The following FOCAD variants were observed in gnomAD, a reference collection of about 807,000 sequenced individuals.
FOCAD encodes focadhesin, also known as KIAA1797.
FOCAD carries 198 observed loss-of-function variants against 225.6 expected under a neutral mutation model. The observed-to-expected ratio is 0.88, with a 90% CI of 0.78 to 0.99. The LOEUF (loss-of-function observed/expected upper bound fraction) is 0.99. Among genes scored for constraint, FOCAD ranks in the 50% least tolerant of loss-of-function variants. The pLI is 0.00. For missense variants in FOCAD, 2,713 were observed against 2,123.6 expected (o/e 1.28, Z -5.46); for synonymous variants, 897 against 755.0 (o/e 1.19, Z -3.08).
In FOCAD at chr9:20,822,866, G is replaced by T. The variant is rs553433091; in HGVS notation, c.1794-123G>T. 1.6e-5 allele frequency: 12 copies of T among 755,336 alleles called. No individual in the cohort carries two copies. The African/African-American group carries it at 2.2e-4, about 14-fold the overall frequency. The allele number at this position is 755,336 out of a possible 1,614,324, so 46.8% of individuals were successfully genotyped here. ...GAAAAAACATGGTGTTAATATTTGA[G>T]GGTCACCATTTAGTGGCACAAGAGT... On this transcript the variant is annotated intron_variant, in intron 14 of 43. Coordinates refer to ENST00000338382, the MANE Select transcript of FOCAD (RefSeq NM_001375567.1).
At chr9:20,819,928 GA>G (rs750560227) in intron 12 of FOCAD, 28 bp downstream of exon 12, 13 of 1,310,562 alleles carry the variant, frequency 9.9e-6, no homozygotes, top group South Asian at 5.8e-5. Flanking sequence ...TTTAGTTGGC[GA>G]AAAAAGTGAG....
rs1834212408 is a variant in FOCAD, at chr9:20,919,731, A to G, written c.2852+2794A>G. ...TGGGGAAAGGATTCCCTATTTCATA[A>G]ATGGTGCTGGGAAAACTGGCTAGCC... On this transcript the variant is annotated intron_variant, in intron 24 of 43. Transcript: ENST00000338382. Among the ~76,000 whole-genome samples, 5 of 152,204 alleles carry G rather than the reference A, an allele frequency of 3.3e-5. No individual in the cohort carries two copies. The South Asian group carries it at 1.0e-3, about 31-fold the overall frequency.
Position 20,764,865 on chromosome 9 carries a change from A to G in FOCAD, c.495-4A>G. 2 of 1,611,594 alleles carry G rather than the reference A, an allele frequency of 1.2e-6. No homozygotes were observed. The highest frequency in any genetic ancestry group is 8.5e-7 in the Non-Finnish European group (1 of 1,178,330). Reference sequence around the variant, plus strand: ...AACTGGCTAATGTATTTCATGTCTTATAGGTTAGAAGTTTCATGCATTCAA... The same window carrying G: ...AACTGGCTAATGTATTTCATGTCTTGTAGGTTAGAAGTTTCATGCATTCAA... On this transcript the variant is annotated splice_polypyrimidine_tract_variant and splice_region_variant and intron_variant, in intron 6 of 43. Transcript: ENST00000338382.
At chr9:20,978,266 T>G in intron 36 of FOCAD, 73 bp from the exon 37 acceptor site, 4 of 905,156 alleles carry the variant, frequency 4.4e-6, no homozygotes, top group Non-Finnish European at 6.5e-6. Context: ...TGCTTTGATT[T>G]GAGATATTAA....
chr9:20,967,143 C>A (rs977735974), intron 35 of FOCAD, among the ~76,000 whole-genome samples: 1 of 151,926 alleles, frequency 6.6e-6, no homozygotes, highest in African/African-American at 2.4e-5. Context: ...ATTCAGTATT[C>A]GAATCTGTGA....
intron 10 of FOCAD, 37 bp downstream of exon 10, chr9:20,781,966 T>A: frequency 6.3e-7 from 1 of 1,583,840 alleles, no homozygotes; most frequent in Non-Finnish European, 8.7e-7. Context: ...AAATAAAGTG[T>A]CGATGTGGGA....
At chr9:20,726,002 G>A (rs1826167486) in intron 4 of FOCAD, among the ~76,000 whole-genome samples, 1 of 152,124 alleles carries the variant, frequency 6.6e-6, no homozygotes, top group Admixed American at 6.5e-5. Flanking sequence ...CCTAGGGAGG[G>A]TGAAGGAAAG....
chr9:20,662,569 T>A (rs1034058137), intron 2 of FOCAD, among the ~76,000 whole-genome samples: 2 of 152,152 alleles, frequency 1.3e-5, no homozygotes, highest in African/African-American at 4.8e-5. Flanking sequence ...CAATTCTGCT[T>A]CCTCTCCCCA....
chr9:20,782,061 G>C (rs1465071932), intron 10 of FOCAD, 132 bp downstream of exon 10: 1 of 730,302 alleles, frequency 1.4e-6, no homozygotes, highest in Non-Finnish European at 2.3e-6. Context: ...AGTGCTGTTG[G>C]AGATCTCAAC....
chr9:20,897,262 C>T (rs1300644097), intron 21 of FOCAD, among the ~76,000 whole-genome samples: 3 of 151,626 alleles, frequency 2.0e-5, no homozygotes, highest in Non-Finnish European at 4.4e-5. Context: ...TATCCATTTA[C>T]GTTTTATCTG....
rs760897289 is a variant in FOCAD at position 20,907,033 on chromosome 9, G to C, written c.2626-117G>C. ...TGTGGTTCTGATCCTAGACTGATTT[G>C]GTTTGTTTTCAGAATCTAAACCACT... On this transcript the variant is annotated intron_variant, in intron 21 of 43. Transcript: ENST00000338382. 12 of 711,168 alleles carry C rather than the reference G, an allele frequency of 1.7e-5. No homozygotes were observed. In the African/African-American group the frequency reaches 2.0e-4, roughly 12 times the overall value. The allele number at this position is 711,168 out of a possible 1,614,324, so 44.1% of individuals were successfully genotyped here.
chr9:20,889,459 A>C (rs1183677063), intron 21 of FOCAD, among the ~76,000 whole-genome samples: 1 of 152,104 alleles, frequency 6.6e-6, no homozygotes, highest in East Asian at 1.9e-4. Context: ...CATTTGAGTT[A>C]ATTTTTGTAT....
At chr9:20,744,613 T>C (rs537061085) in intron 5 of FOCAD, among the ~76,000 whole-genome samples, 1 of 152,272 alleles carries the variant, frequency 6.6e-6, no homozygotes, top group Admixed American at 6.5e-5. Flanking sequence ...CTTTAAAATA[T>C]ATGGATGACT....
chr9:20,715,858 C>G (rs192552397), intron 2 of FOCAD, among the ~76,000 whole-genome samples: 1 of 152,068 alleles, frequency 6.6e-6, no homozygotes, highest in Admixed American at 6.5e-5. Context: ...GATATATCTA[C>G]TAAGATAGAA....
chr9:20,947,942 TTG>T (rs1837335142), intron 30 of FOCAD, among the ~76,000 whole-genome samples: 1 of 152,166 alleles, frequency 6.6e-6, no homozygotes, highest in African/African-American at 2.4e-5. Flanking sequence ...TTGATTGACC[TTG>T]TGTGGTCTAC....
chr9:20,786,253 G>A (rs1229959071), intron 10 of FOCAD, among the ~76,000 whole-genome samples: 2 of 152,186 alleles, frequency 1.3e-5, no homozygotes, highest in Non-Finnish European at 1.5e-5. Context: ...GGAACAAACT[G>A]TGATAATAGT....
chr9:20,852,964 A>G (rs1587403017), intron 15 of FOCAD, among the ~76,000 whole-genome samples: 1 of 151,848 alleles, frequency 6.6e-6, no homozygotes, highest in East Asian at 1.9e-4. Flanking sequence ...TCTAACCTCT[A>G]TTAGAAAAGA....
intron 35 of FOCAD, among the ~76,000 whole-genome samples, chr9:20,968,974 T>C (rs1839523413): frequency 6.6e-6 from 1 of 152,198 alleles, no homozygotes; most frequent in Non-Finnish European, 1.5e-5. Flanking sequence ...TTTATTTTTA[T>C]TTTCATTTGT....
chr9:20,700,997 A>T (rs1373143982), intron 1 of FOCAD, among the ~76,000 whole-genome samples: 1 of 152,198 alleles, frequency 6.6e-6, no homozygotes, highest in Non-Finnish European at 1.5e-5. Context: ...CTTTACTGGC[A>T]TCTGAGCAGG....
Sources: gnomAD v4.1 joint callset for allele counts (sites outside exome capture counted in the v4.1 genomes callset) on GRCh38, gnomAD v4.1.1 for gene constraint, MANE v1.5 for transcripts, NCBI Gene and HGNC (gene_info 2026-07-23, HGNC 2026-07-21) for gene names.